MFN1: variants seen among roughly 807,000 people sequenced by gnomAD.
MFN1 encodes the protein mitofusin 1, also known as mitofusin-1.
Under a neutral mutation model 92.4 loss-of-function variants are expected in MFN1, and 65 were observed. The observed-to-expected ratio is 0.70, with a 90% confidence interval of 0.58 to 0.86. MFN1 has a LOEUF of 0.86. Among genes scored for constraint, MFN1 ranks in the 40% least tolerant of loss-of-function variants. The pLI is 0.00. For synonymous variants in MFN1, 297 were observed against 300.9 expected, an observed-to-expected ratio of 0.99 and a Z score of 0.13; for missense variants, 781 against 868.0, an observed-to-expected ratio of 0.90 and a Z score of 1.26.
At position 179,349,890 on chromosome 3, in the gene MFN1, A is replaced by G. The variant is rs1386883617; in HGVS notation, c.112+927A>G. ...CTCTCGGCCAGGCGCCCTGACTCACACCTGTAATCCCAGCACTTTGGGAGT... is the reference window on the plus strand; with the variant it reads ...CTCTCGGCCAGGCGCCCTGACTCACGCCTGTAATCCCAGCACTTTGGGAGT... On this transcript the variant is annotated intron_variant, in intron 2 of 17. Coordinates refer to ENST00000471841, the MANE Select transcript of MFN1 (RefSeq NM_033540.3). Among the ~76,000 whole-genome samples the G allele has an allele frequency of 7.9e-5, 12 of 151,374 alleles. No homozygotes were observed. The South Asian group carries it at 2.1e-3, about 27-fold the overall frequency.
chr3:179,357,925 A>T (rs373246704), intron 3 of MFN1, among the ~76,000 whole-genome samples: 1 of 152,096 alleles, frequency 6.6e-6, no homozygotes, highest in Non-Finnish European at 1.5e-5. Context: ...CTTCACTCAC[A>T]TGTCTGGGAC....
At chr3:179,350,954 C>G (rs1207966818) in intron 2 of MFN1, among the ~76,000 whole-genome samples, 1 of 152,060 alleles carries the variant, frequency 6.6e-6, no homozygotes, top group Non-Finnish European at 1.5e-5. Flanking sequence ...CCTCCGGATT[C>G]AAGTGATTTC....
At chr3:179,386,663 A>G in intron 16 of MFN1, 34 bp downstream of exon 16, 1 of 1,560,128 alleles carries the variant, frequency 6.4e-7, no homozygotes, top group Non-Finnish European at 8.7e-7. Flanking sequence ...CTTTAAAAAA[A>G]AGTTACTGAA....
At chr3:179,373,189 G>A (rs1469573753) in intron 9 of MFN1, among the ~76,000 whole-genome samples, 3 of 152,128 alleles carry the variant, frequency 2.0e-5, no homozygotes, top group Non-Finnish European at 2.9e-5. Context: ...TAAATAATCT[G>A]TTTTGTTTTC....
intron 7 of MFN1, 60 bp from the exon 8 acceptor site, chr3:179,367,379 T>G: frequency 6.9e-7 from 1 of 1,452,666 alleles, no homozygotes; most frequent in South Asian, 1.3e-5. Flanking sequence ...TGGTCTATAG[T>G]CGTTGGTTAT....
chr3:179,379,386 C>T (rs190436182), intron 14 of MFN1, among the ~76,000 whole-genome samples: 2 of 152,082 alleles, frequency 1.3e-5, no homozygotes, highest in Admixed American at 1.3e-4. Flanking sequence ...CAGAGACCTG[C>T]GCTGTGGCTC....
intron 14 of MFN1, among the ~76,000 whole-genome samples, chr3:179,379,554 G>A (rs895875616): frequency 3.9e-5 from 6 of 151,972 alleles, no homozygotes; most frequent in Non-Finnish European, 7.4e-5. Flanking sequence ...GGGTTTCACC[G>A]TGTTGGCCAG....
In MFN1 at chr3:179,385,637, G is replaced by A; in HGVS notation, c.1731G>A (p.Gln577=). ...CAGCAACGCCAGATAATGCATCACAGGAAGAACTCATGATTACATTAGTAA... is the reference window on the plus strand; with the variant it reads ...CAGCAACGCCAGATAATGCATCACAAGAAGAACTCATGATTACATTAGTAA... ...TTPATPDNAS[Q]EELMITLVTG... is the part of the protein sequence containing the mutation. The change falls in exon 15 of 18, where the codon CAG becomes CAA. Residue 577 remains glutamine (Q), a synonymous_variant. Transcript: ENST00000471841. 6.2e-7 allele frequency: 1 copy of A among 1,613,540 alleles called. No individual in the cohort carries two copies. Among genetic ancestry groups the A allele is most frequent in the Non-Finnish European group, 8.5e-7 (1 of 1,179,878 alleles).
intron 10 of MFN1, among the ~76,000 whole-genome samples, chr3:179,376,260 C>G (rs573942040): frequency 1.1e-4 from 16 of 152,270 alleles, no homozygotes; most frequent in African/African-American, 3.9e-4. Context: ...CTGTGTACAG[C>G]CTCCGTGTGG....
chr3:179,391,609 G>A (rs898294623), intron 17 of MFN1, among the ~76,000 whole-genome samples: 1 of 152,168 alleles, frequency 6.6e-6, no homozygotes, highest in Non-Finnish European at 1.5e-5. Context: ...CATAGTGTGA[G>A]AGTGGGAAAC....
At chr3:179,353,213 C>G (rs1712221045) in intron 3 of MFN1, among the ~76,000 whole-genome samples, 1 of 147,084 alleles carries the variant, frequency 6.8e-6, no homozygotes, top group Middle Eastern at 3.5e-3. Context: ...GCTGCCACAC[C>G]TGGCTAATTT....
chr3:179,351,545 C>T (rs751766135), intron 2 of MFN1, among the ~76,000 whole-genome samples: 5 of 152,188 alleles, frequency 3.3e-5, no homozygotes, highest in Non-Finnish European at 7.3e-5. Flanking sequence ...GTGGCTCCCC[C>T]TTCTGAGCTC....
At chr3:179,385,888 T>G (rs1713669161) in intron 15 of MFN1, among the ~76,000 whole-genome samples, 167 bp downstream of exon 15, 1 of 152,210 alleles carries the variant, frequency 6.6e-6, no homozygotes, top group Non-Finnish European at 1.5e-5. Context: ...AAGTTTCATC[T>G]TAAATTTTTA....
intron 9 of MFN1, among the ~76,000 whole-genome samples, chr3:179,373,705 G>A (rs964754611): frequency 8.6e-5 from 13 of 151,712 alleles, no homozygotes; most frequent in African/African-American, 1.7e-4. Context: ...ACAGAGTCTC[G>A]CTCTGTCGCC....
In MFN1 at chr3:179,358,896, C is replaced by A; in HGVS notation, c.305C>A (p.Pro102His). The A allele has an allele frequency of 6.2e-7, 1 of 1,613,916 alleles. No homozygotes were observed. The highest frequency in any genetic ancestry group is 1.1e-5 in the South Asian group (1 of 91,066). Residue 102 changes from proline (P) to histidine (H), a missense_variant, in exon 4 of 18, where the codon CCT becomes CAT. Coordinates refer to ENST00000471841, the MANE Select transcript of MFN1 (RefSeq NM_033540.3). The stretch of plus-strand genomic sequence containing the variant: ...GCAATGTTGTGGGATAAAGTTCTCC[C>A]TAGTGGGATTGGCCATATAACCAAT... ...INAMLWDKVL[P>H]SGIGHITNCF...
chr3:179,355,642 G>GGAAATGCCAT (rs1712319203), intron 3 of MFN1, among the ~76,000 whole-genome samples: 1 of 152,072 alleles, frequency 6.6e-6, no homozygotes, highest in African/African-American at 2.4e-5. Flanking sequence ...GAGAGGAAGA[G>GGAAATGCCAT]GGACTATCCA....
At chr3:179,356,516 A>G (rs1712348613) in intron 3 of MFN1, among the ~76,000 whole-genome samples, 1 of 152,162 alleles carries the variant, frequency 6.6e-6, no homozygotes, top group Admixed American at 6.5e-5. Flanking sequence ...ATGATAGGAC[A>G]CCCAGTTGGT....
At chr3:179,381,275 G>A (rs185922291) in intron 14 of MFN1, among the ~76,000 whole-genome samples, 172 of 152,316 alleles carry the variant, frequency 1.1e-3, no homozygotes, top group Non-Finnish European at 1.0e-3. Context: ...AGGTGGTACT[G>A]CAGGAAACAT....
rs367656593 is a variant in MFN1, at chr3:179,363,195, C to T, written c.536+713C>T. 5.2e-4 allele frequency among the ~76,000 whole-genome samples: 79 copies of T among 152,282 alleles called. 1 individual carries two copies. In the South Asian group the frequency reaches 0.014, roughly 26 times the overall value. On this transcript the variant is annotated intron_variant, in intron 5 of 17. Coordinates refer to ENST00000471841, the MANE Select transcript of MFN1 (RefSeq NM_033540.3). ...GTCAGCTTGCTGCAACCTCCCCCTC[C>T]GGGGTTCAAGCCATTCTTGTGCCTC...
Sources: gnomAD v4.1 joint callset for allele counts (sites outside exome capture counted in the v4.1 genomes callset) on GRCh38, gnomAD v4.1.1 for gene constraint, MANE v1.5 for transcripts, NCBI Gene and HGNC (gene_info 2026-07-23, HGNC 2026-07-21) for gene names.